The following PCDHB2 variants were observed in gnomAD, a reference collection of about 807,000 sequenced individuals.
PCDHB2 encodes protocadherin beta-2.
For missense variants in PCDHB2, 914 were observed against 1,023.1 expected (o/e 0.89, Z 1.45); for synonymous variants, 395 against 464.9 (o/e 0.85, Z 1.93).
rs1458398995 is a variant in PCDHB2, at chr5:141,096,804, T to C, written c.2014T>C (p.Tyr672His). ...CCTGGTGGACGGCTTCTCCCAGCCC[T>C]ACCTGCTGCTCCCGGAGGCGGCACC... The part of the protein sequence containing the change: ...VLLVDGFSQP[Y>H]LLLPEAAPAQ... Residue 672 changes from tyrosine to histidine, a missense_variant, in exon 1 of 1, where the codon TAC becomes CAC. Coordinates refer to ENST00000194155, the MANE Select transcript of PCDHB2 (RefSeq NM_018936.4). 3 of 1,610,078 alleles carry C rather than the reference T, an allele frequency of 1.9e-6. No individual in the cohort carries two copies. The highest frequency in any genetic ancestry group is 1.3e-5 in the African/African-American group (1 of 74,870).
At position 141,097,296 on chromosome 5, in the gene PCDHB2, T is replaced by G; in HGVS notation, c.*109T>G. The G allele has an allele frequency of 8.0e-7, 1 of 1,246,368 alleles. No homozygotes were observed. The allele number at this position is 1,246,368 out of a possible 1,614,324, so 77.2% of individuals were successfully genotyped here. A position where few individuals can be genotyped will look rare whatever the true frequency, so the allele number is the denominator to read the frequency against. Reference sequence around the variant, plus strand: ...CTTTTATTAGAAAGTAACCATCTTATTCCAATTCTATGCATGTTACTGGTA... The same window carrying G: ...CTTTTATTAGAAAGTAACCATCTTAGTCCAATTCTATGCATGTTACTGGTA... On this transcript the variant is annotated 3_prime_UTR_variant, in exon 1 of 1. Transcript: ENST00000194155.
At position 141,096,423 on chromosome 5, in the gene PCDHB2, A is replaced by G. The variant is rs1465137927; in HGVS notation, c.1633A>G (p.Ser545Gly). Residue 545 changes from serine to glycine, a missense_variant, in exon 1 of 1, where the codon AGC becomes GGC. Ser to Gly is a moderately conservative substitution (Grantham distance 56). Coordinates refer to ENST00000194155, the MANE Select transcript of PCDHB2 (RefSeq NM_018936.4). ...AGACCGCGGCTCCCCGGCGTTGAGC[A>G]GCGAGGCGCTGGTGCGCGTGCTGGT... Reference protein sequence around the residue: ...AADRGSPALSSEALVRVLVLD... With the variant: ...AADRGSPALSGEALVRVLVLD... 6.2e-7 allele frequency: 1 copy of G among 1,611,776 alleles called. No individual in the cohort carries two copies. The highest frequency in any genetic ancestry group is 1.1e-5 in the South Asian group (1 of 90,934).
rs429198 is a variant in PCDHB2 at position 141,096,812 on chromosome 5, G to T, written c.2022G>T (p.Leu674=). The change falls in exon 1 of 1, where the codon CTG becomes CTT. Residue 674 remains leucine (L), a synonymous_variant. Coordinates refer to ENST00000194155, the MANE Select transcript of PCDHB2 (RefSeq NM_018936.4). ...ACGGCTTCTCCCAGCCCTACCTGCT[G>T]CTCCCGGAGGCGGCACCGGCCCAGG... The part of the protein sequence containing the change: ...LVDGFSQPYL[L]LPEAAPAQAQ... 73,376 of 1,483,984 alleles carry T rather than the reference G, an allele frequency of 0.049. 6,211 individuals are homozygous for T. The highest frequency in any genetic ancestry group is 0.089 in the South Asian group (7,586 of 84,982). 91.9% of individuals were successfully genotyped at this position (1,483,984 alleles called of 1,614,324 possible).
chr5:141,096,413 G>A lies in PCDHB2; in HGVS notation c.1623G>A (p.Pro541=), dbSNP rs782450726. The change falls in exon 1 of 1, where the codon CCG becomes CCA. Residue 541 remains proline, a synonymous_variant. Coordinates refer to ENST00000194155, the MANE Select transcript of PCDHB2 (RefSeq NM_018936.4). ...TGGGCGCCGCAGACCGCGGCTCCCC[G>A]GCGTTGAGCAGCGAGGCGCTGGTGC... The part of the protein sequence containing the change: ...FRVGAADRGS[P]ALSSEALVRV... 1 of 1,611,948 alleles carries A rather than the reference G, an allele frequency of 6.2e-7. No homozygotes were observed. Among genetic ancestry groups the A allele is most frequent in the Non-Finnish European group, 8.5e-7 (1 of 1,179,646 alleles).
At position 141,097,053 on chromosome 5, in the gene PCDHB2, G is replaced by A. The variant is rs1751849705; in HGVS notation, c.2263G>A (p.Val755Met). The change falls in exon 1 of 1, where the codon GTG becomes ATG. Residue 755 changes from valine to methionine, a missense_variant. Coordinates refer to ENST00000194155, the MANE Select transcript of PCDHB2 (RefSeq NM_018936.4). ...CCTGTCCCAGAGCTACCAGTACGAG[G>A]TGTGTCTGACTGGAGGCTCCGGGAC... ...GTLSQSYQYE[V>M]CLTGGSGTNE... is the part of the protein sequence containing the mutation. The A allele has an allele frequency of 2.5e-6, 4 of 1,613,828 alleles. No homozygotes were observed. The highest frequency in any genetic ancestry group is 3.4e-6 in the Non-Finnish European group (4 of 1,179,772).
At position 141,096,080 on chromosome 5, in the gene PCDHB2, A is replaced by T; in HGVS notation, c.1290A>T (p.Thr430=). ...CCATCACCGTCACCGACTTCGGGAC[A>T]CCCAGGCTGAAAACCGAGCACAACA... ...NITITVTDFG[T]PRLKTEHNIT... The change falls in exon 1 of 1, where the codon ACA becomes ACT. Residue 430 remains threonine, a synonymous_variant. Transcript: ENST00000194155. 1 of 1,614,138 alleles carries T rather than the reference A, an allele frequency of 6.2e-7. No individual in the cohort carries two copies.
chr5:141,095,481 C>A lies in PCDHB2; in HGVS notation c.691C>A (p.Arg231=), dbSNP rs1751789677. The A allele has an allele frequency of 1.2e-6, 2 of 1,614,116 alleles. No individual in the cohort carries two copies. The highest frequency in any genetic ancestry group is 1.6e-4 in the Middle Eastern group (1 of 6,062). Residue 231 remains arginine, a synonymous_variant, in exon 1 of 1, where the codon CGG becomes AGG. Transcript: ENST00000194155. ...ACCCAGGTCCGGCACGGCCCTGGTA[C>A]GGATTGAAGTTGTGGACATCAATGA... ...SPPRSGTALV[R]IEVVDINDNV... is the part of the protein sequence containing the mutation.
Position 141,095,681 on chromosome 5 carries a change from T to G in PCDHB2, c.891T>G (p.Ser297Arg), listed in dbSNP as rs782053778. 6.2e-7 allele frequency: 1 copy of G among 1,614,216 alleles called. No homozygotes were observed. The highest frequency in any genetic ancestry group is 8.5e-7 in the Non-Finnish European group (1 of 1,180,040). Residue 297 changes from serine to arginine, a missense_variant, in exon 1 of 1, where the codon AGT (serine) becomes AGG (arginine). Transcript: ENST00000194155. ...ACATTCGCAAAACGTTTCGATTAAG[T>G]GCAAAATCGGGAGAACTGCTTTTAA... Reference protein sequence around the residue: ...SEDIRKTFRLSAKSGELLLRQ... With the variant: ...SEDIRKTFRLRAKSGELLLRQ...
Position 141,095,598 on chromosome 5 carries a change from G to A in PCDHB2, c.808G>A (p.Asp270Asn), listed in dbSNP as rs369245601. 3.7e-6 allele frequency: 6 copies of A among 1,614,076 alleles called. No individual in the cohort carries two copies. The African/African-American group carries it at 6.7e-5, about 18-fold the overall frequency. The change falls in exon 1 of 1, where the codon GAT becomes AAT. Residue 270 changes from aspartate to asparagine, a missense_variant. By Grantham distance (23) the Asp-to-Asn change is conservative (BLOSUM62 1). Coordinates refer to ENST00000194155, the MANE Select transcript of PCDHB2 (RefSeq NM_018936.4). ...GSQVAIVSAR[D>N]LDIGTNGEIS... The stretch of plus-strand genomic sequence containing the variant: ...CCAGGTTGCCATCGTCTCTGCCAGG[G>A]ATTTAGACATTGGAACTAATGGAGA...
chr5:141,095,738 A>T lies in PCDHB2; in HGVS notation c.948A>T (p.Thr316=). The T allele has an allele frequency of 6.2e-7, 1 of 1,614,228 alleles. No homozygotes were observed. ...RQKLDFESIQ[T]YTVNIQATDG... ...AACTGGATTTCGAATCCATCCAGAC[A>T]TACACAGTAAATATTCAGGCGACAG... Residue 316 remains threonine, a synonymous_variant, in exon 1 of 1, where the codon ACA becomes ACT. Coordinates refer to ENST00000194155, the MANE Select transcript of PCDHB2 (RefSeq NM_018936.4).
Position 141,096,788 on chromosome 5 carries a change from C to T in PCDHB2, c.1998C>T (p.Asp666=), listed in dbSNP as rs782464820. The change falls in exon 1 of 1, where the codon GAC becomes GAT. Residue 666 remains aspartate (D), a synonymous_variant. Transcript: ENST00000194155. The part of the protein sequence containing the change: ...ATATLHVLLV[D]GFSQPYLLLP... ...CCACGCTGCACGTGCTCCTGGTGGACGGCTTCTCCCAGCCCTACCTGCTGC... is the reference window on the plus strand; with the variant it reads ...CCACGCTGCACGTGCTCCTGGTGGATGGCTTCTCCCAGCCCTACCTGCTGC... 2.3e-5 allele frequency: 37 copies of T among 1,610,012 alleles called. No individual in the cohort carries two copies. The highest frequency in any genetic ancestry group is 9.3e-5 in the African/African-American group (7 of 74,876).
rs560781528 is a variant in PCDHB2 at position 141,095,689 on chromosome 5, C to T, written c.899C>T (p.Ser300Leu). ...IRKTFRLSAKSGELLLRQKLD... is the reference protein window; with the variant it reads ...IRKTFRLSAKLGELLLRQKLD... ...AAAACGTTTCGATTAAGTGCAAAAT[C>T]GGGAGAACTGCTTTTAAGACAGAAA... is the stretch of plus-strand genomic sequence containing the variant. The change falls in exon 1 of 1, where the codon TCG (serine) becomes TTG (leucine). Residue 300 changes from serine (S) to leucine (L), a missense_variant. Ser to Leu is a moderately radical substitution (Grantham distance 145). Coordinates refer to ENST00000194155, the MANE Select transcript of PCDHB2 (RefSeq NM_018936.4). 3.7e-6 allele frequency: 6 copies of T among 1,614,104 alleles called. No homozygotes were observed. The East Asian group carries it at 6.7e-5, about 18-fold the overall frequency.
chr5:141,097,377 C>G lies in PCDHB2; in HGVS notation c.*190C>G, dbSNP rs1751858498. The stretch of plus-strand genomic sequence containing the variant: ...AATAAATGTAAATTTTCTTTGTATT[C>G]TAATTGTTGGTTAGTTTCATTGCAA... On this transcript the variant is annotated 3_prime_UTR_variant, in exon 1 of 1. Coordinates refer to ENST00000194155, the MANE Select transcript of PCDHB2 (RefSeq NM_018936.4). The G allele has an allele frequency of 3.2e-5, 19 of 600,538 alleles. No individual in the cohort carries two copies. The South Asian group carries it at 6.8e-4, about 21-fold the overall frequency. 37.2% of individuals were successfully genotyped at this position (600,538 alleles called of 1,614,324 possible). A position where few individuals can be genotyped will look rare whatever the true frequency, so the allele number is the denominator to read the frequency against.
Position 141,095,402 on chromosome 5 carries a change from C to G in PCDHB2, c.612C>G (p.Arg204=). 1 of 1,614,020 alleles carries G rather than the reference C, an allele frequency of 6.2e-7. No homozygotes were observed. The highest frequency in any genetic ancestry group is 8.5e-7 in the Non-Finnish European group (1 of 1,179,996). ...PQLVLNRALD[R]EEQPEIRLTL... is the part of the protein sequence containing the mutation. Reference sequence around the variant, plus strand: ...TGGTGCTGAACAGAGCCCTGGATCGCGAGGAGCAGCCTGAGATCAGGTTAA... The same window carrying G: ...TGGTGCTGAACAGAGCCCTGGATCGGGAGGAGCAGCCTGAGATCAGGTTAA... Residue 204 remains arginine (R), a synonymous_variant, in exon 1 of 1, where the codon CGC becomes CGG. Coordinates refer to ENST00000194155, the MANE Select transcript of PCDHB2 (RefSeq NM_018936.4).
rs781996425 is a variant in PCDHB2, at chr5:141,095,263, G to C, written c.473G>C (p.Arg158Pro). The C allele has an allele frequency of 2.5e-6, 4 of 1,613,802 alleles. No homozygotes were observed. In the South Asian group the frequency reaches 4.4e-5, roughly 18 times the overall value. Reference sequence around the variant, plus strand: ...CCTGGAACTACTTTCTTAATAGAACGTGCCCAGGACTTGGATGTAGGAACC... The same window carrying C: ...CCTGGAACTACTTTCTTAATAGAACCTGCCCAGGACTTGGATGTAGGAACC... ...ITPGTTFLIE[R>P]AQDLDVGTNS... is the part of the protein sequence containing the mutation. Residue 158 changes from arginine (R) to proline (P), a missense_variant, in exon 1 of 1, where the codon CGT (arginine) becomes CCT (proline). Arg to Pro is a moderately radical substitution (Grantham distance 103). Coordinates refer to ENST00000194155, the MANE Select transcript of PCDHB2 (RefSeq NM_018936.4).
rs782424806 is a variant in PCDHB2, at chr5:141,095,473, C to T, written c.683C>T (p.Ala228Val). 7.4e-6 allele frequency: 12 copies of T among 1,614,030 alleles called. No homozygotes were observed. The highest frequency in any genetic ancestry group is 1.0e-5 in the Non-Finnish European group (12 of 1,180,024). The change falls in exon 1 of 1, where the codon GCC (alanine) becomes GTC (valine). Residue 228 changes from alanine to valine, a missense_variant. Transcript: ENST00000194155. ...GGGAGTCCACCCAGGTCCGGCACGG[C>T]CCTGGTACGGATTGAAGTTGTGGAC... ...DGGSPPRSGT[A>V]LVRIEVVDIN...
Position 141,097,240 on chromosome 5 carries a change from T to C in PCDHB2, c.*53T>C. On this transcript the variant is annotated 3_prime_UTR_variant, in exon 1 of 1. Coordinates refer to ENST00000194155, the MANE Select transcript of PCDHB2 (RefSeq NM_018936.4). ...TCTCGTTTAATTTGTGGAAAGTCCT[T>C]TTTTACTGCTTTGCCCATTGGAGGT... 1 of 1,526,164 alleles carries C rather than the reference T, an allele frequency of 6.6e-7. No homozygotes were observed. Among genetic ancestry groups the C allele is most frequent in the South Asian group, 1.3e-5 (1 of 76,080 alleles). 94.5% of individuals were successfully genotyped at this position (1,526,164 alleles called of 1,614,324 possible). A position where few individuals can be genotyped will look rare whatever the true frequency, so the allele number is the denominator to read the frequency against.
In PCDHB2 at chr5:141,097,070, C is replaced by A. The variant is rs61746442; in HGVS notation, c.2280C>A (p.Gly760=). The A allele has an allele frequency of 0.17, 278,958 of 1,612,850 alleles. 25,113 individuals are homozygous for A. Among genetic ancestry groups the A allele is most frequent in the Middle Eastern group, 0.23 (1,365 of 6,052 alleles). ...AGTACGAGGTGTGTCTGACTGGAGG[C>A]TCCGGGACAAATGAGTTCAAGTTCC... ...SYQYEVCLTG[G]SGTNEFKFLK... Residue 760 remains glycine (G), a synonymous_variant, in exon 1 of 1, where the codon GGC becomes GGA. Coordinates refer to ENST00000194155, the MANE Select transcript of PCDHB2 (RefSeq NM_018936.4).
Position 141,096,238 on chromosome 5 carries a change from G to T in PCDHB2, c.1448G>T (p.Gly483Val). 2.5e-6 allele frequency: 4 copies of T among 1,613,040 alleles called. No homozygotes were observed. Among genetic ancestry groups the T allele is most frequent in the Non-Finnish European group, 3.4e-6 (4 of 1,180,036 alleles). The change falls in exon 1 of 1, where the codon GGC becomes GTC. Residue 483 changes from glycine (G) to valine (V), a missense_variant. By Grantham distance (109) the Gly-to-Val change is moderately radical. Transcript: ENST00000194155. ...GTCAGCGCCACAGACAGAGACTCGG[G>T]CACCAACGCCCAGGTCACCTACTCG... ...GSVSATDRDSGTNAQVTYSLL... is the reference protein window; with the variant it reads ...GSVSATDRDSVTNAQVTYSLL...
Sources: gnomAD v4.1 joint callset for allele counts on GRCh38, gnomAD v4.1.1 for gene constraint, MANE v1.5 for transcripts, NCBI Gene and HGNC (gene_info 2026-07-23, HGNC 2026-07-21) for gene names.